PNKD: variants seen among roughly 807,000 people sequenced by gnomAD.
The protein encoded by PNKD is probable thioesterase PNKD.
PNKD carries 36 observed loss-of-function variants against 45.3 expected under a neutral mutation model. That is an observed-to-expected ratio of 0.80 (90% CI 0.61 to 1.05). PNKD has a LOEUF of 1.05. Ranked by LOEUF, PNKD falls within the 50% of genes least tolerant of loss-of-function variation. The probability of loss-of-function intolerance (pLI) is 0.00; values close to 1 mark genes in which losing one functional copy is unlikely to be tolerated. For missense variants in PNKD, 511 were observed against 506.6 expected (o/e 1.01, Z -0.08); for synonymous variants, 197 against 210.1 (o/e 0.94, Z 0.54).
At chr2:218,323,233 G>A (rs1274804435) in intron 2 of PNKD, 1 of 1,455,218 alleles carries the variant, frequency 6.9e-7, no homozygotes, top group Non-Finnish European at 9.0e-7. Flanking sequence ...TAGCAACGCC[G>A]AGCCCCGCCC....
chr2:218,315,420 G>A (rs1046803443), intron 2 of PNKD, among the ~76,000 whole-genome samples: 6 of 152,136 alleles, frequency 3.9e-5, no homozygotes, highest in African/African-American at 1.4e-4. Context: ...GCCTCCCAAA[G>A]TGCTGGGATT....
At chr2:218,293,368 G>C (rs549872523) in intron 2 of PNKD, among the ~76,000 whole-genome samples, 1 of 152,342 alleles carries the variant, frequency 6.6e-6, no homozygotes, top group South Asian at 2.1e-4. Context: ...GATGGCTTGA[G>C]CCCAGGAGTT....
intron 2 of PNKD, chr2:218,277,973 G>A (rs142636664): frequency 3.9e-5 from 63 of 1,614,040 alleles, no homozygotes; most frequent in African/African-American, 1.3e-4. Context: ...GGGAAACGGC[G>A]TCTGAAGGGA....
At chr2:218,275,406 A>G (rs745962787) in intron 2 of PNKD, 1 of 1,539,314 alleles carries the variant, frequency 6.5e-7, no homozygotes, top group Non-Finnish European at 8.7e-7. Flanking sequence ...CCCAGACCAC[A>G]GTCATAGGGC....
chr2:218,277,821 G>C, intron 2 of PNKD: 5 of 1,552,772 alleles, frequency 3.2e-6, no homozygotes, highest in East Asian at 4.5e-5. Flanking sequence ...AGGCGGCCCA[G>C]ATAAGGTGGA....
rs1694639899 is a variant in PNKD, at chr2:218,340,465, G to A, written c.466-263G>A. On this transcript the variant is annotated intron_variant, in intron 4 of 9. Coordinates refer to ENST00000273077, the MANE Select transcript of PNKD (RefSeq NM_015488.5). The surrounding 1 kb of genome is among the most constrained non-coding windows in gnomAD (Gnocchi z 4.2). ...CCCTTTCTTTCTGTCACCTCTGTCTGTCAGTATCTGGGTCTCTCTGTCTTT... is the reference window on the plus strand; with the variant it reads ...CCCTTTCTTTCTGTCACCTCTGTCTATCAGTATCTGGGTCTCTCTGTCTTT... Among the ~76,000 whole-genome samples, 1 of 151,960 alleles carries A rather than the reference G, an allele frequency of 6.6e-6. No individual in the cohort carries two copies. Among genetic ancestry groups the A allele is most frequent in the African/African-American group, 2.4e-5 (1 of 41,366 alleles).
At chr2:218,277,432 G>T (rs1489197829) in intron 2 of PNKD, 1 of 1,614,202 alleles carries the variant, frequency 6.2e-7, no homozygotes, top group Non-Finnish European at 8.5e-7. Context: ...TTGCAATGAT[G>T]ACGGCTTTGG....
At chr2:218,289,156 G>T (rs139734950) in intron 2 of PNKD, among the ~76,000 whole-genome samples, 75 of 152,274 alleles carry the variant, frequency 4.9e-4, no homozygotes, top group African/African-American at 1.7e-3. Flanking sequence ...AGATCAAAAC[G>T]ATAGATAGAA....
At chr2:218,276,004 C>G in intron 2 of PNKD, 1 of 1,607,100 alleles carries the variant, frequency 6.2e-7, no homozygotes, top group Non-Finnish European at 8.5e-7. Flanking sequence ...GCTCCCCTTC[C>G]TAGAGTGGGG....
Position 218,280,245 on chromosome 2 carries a change from A to G in PNKD, c.236+8696A>G. The G allele has an allele frequency of 6.7e-6, 5 of 745,944 alleles. No homozygotes were observed. In the South Asian group the frequency reaches 8.1e-5, roughly 12 times the overall value. The allele number at this position is 745,944 out of a possible 1,614,324, so 46.2% of individuals were successfully genotyped here. On this transcript the variant is annotated intron_variant, in intron 2 of 9. Transcript: ENST00000273077. ...CCAGCCAAAAGACAAGTGTTATAAC[A>G]GGAACTCTTCTCCCAAGCTGGGGTC... is the stretch of plus-strand genomic sequence containing the variant.
At position 218,271,418 on chromosome 2, in the gene PNKD, T is replaced by A; in HGVS notation, c.105T>A (p.His35Gln). The change falls in exon 2 of 10, where the codon CAT (histidine) becomes CAA (glutamine). Residue 35 changes from histidine (H) to glutamine (Q), a missense_variant. By Grantham distance (24) the His-to-Gln change is conservative. Transcript: ENST00000273077. ...LAGATANKAS[H>Q]NRTRALQSHS... is the part of the protein sequence containing the mutation. ...GAGCCACAGCTAACAAGGCTTCTCA[T>A]AACAGGACCCGGGCCCTGCAAAGCC... The A allele has an allele frequency of 6.2e-7, 1 of 1,614,020 alleles. No homozygotes were observed. The highest frequency in any genetic ancestry group is 8.5e-7 in the Non-Finnish European group (1 of 1,179,968).
At chr2:218,298,011 A>AAAG (rs1553664356) in intron 2 of PNKD, among the ~76,000 whole-genome samples, 3 of 151,266 alleles carry the variant, frequency 2.0e-5, no homozygotes, top group African/African-American at 4.9e-5. Context: ...AAAAAAAAAA[A>AAAG]AGAGAGAGAG....
At chr2:218,298,985 T>A (rs1172749507) in intron 2 of PNKD, among the ~76,000 whole-genome samples, 4 of 152,114 alleles carry the variant, frequency 2.6e-5, no homozygotes, top group Non-Finnish European at 5.9e-5. Flanking sequence ...CCCTCCATAA[T>A]CTCAATTTCA....
chr2:218,270,886 A>G, intron 1 of PNKD: 1 of 385,340 alleles, frequency 2.6e-6, no homozygotes, highest in Non-Finnish European at 4.6e-6. Flanking sequence ...TGCAGAGGAA[A>G]GAGCCCCGGG....
chr2:218,292,980 G>A (rs571914823), intron 2 of PNKD, among the ~76,000 whole-genome samples: 25 of 152,242 alleles, frequency 1.6e-4, no homozygotes, highest in African/African-American at 5.8e-4. Context: ...ATGGCTATGC[G>A]GATTAAATTA....
chr2:218,312,946 CTTT>C (rs201255689), intron 2 of PNKD, among the ~76,000 whole-genome samples: 2 of 144,276 alleles, frequency 1.4e-5, no homozygotes, highest in Non-Finnish European at 3.1e-5. Flanking sequence ...ATTTTTTTAA[CTTT>C]TTTTTTTTTA....
chr2:218,333,775 G>A (rs1364281902), intron 2 of PNKD, among the ~76,000 whole-genome samples: 1 of 152,030 alleles, frequency 6.6e-6, no homozygotes, highest in Non-Finnish European at 1.5e-5. Context: ...GTGCAAGGTG[G>A]TGTCTGTCAG....
At chr2:218,323,323 TC>T in intron 2 of PNKD, 1 of 1,569,556 alleles carries the variant, frequency 6.4e-7, no homozygotes, top group South Asian at 1.2e-5. Context: ...TGCTGGCTCC[TC>T]CTCGTCCTTG....
chr2:218,316,272 T>TTTC (rs1693811858), intron 2 of PNKD, among the ~76,000 whole-genome samples: 1 of 52,972 alleles, frequency 1.9e-5, no homozygotes, highest in Non-Finnish European at 5.0e-5. Context: ...TTCTTTCTTT[T>TTTC]TTTTTTTTTT....
Sources: allele counts gnomAD v4.1 joint callset (sites outside exome capture counted in the v4.1 genomes callset), GRCh38; gene constraint gnomAD v4.1.1; non-coding constraint Gnocchi (gnomAD v3.1); transcripts MANE v1.5; gene names NCBI Gene and HGNC (gene_info 2026-07-23, HGNC 2026-07-21).